Variants in PRKCB observed in about 807,000 individuals in gnomAD.
The protein encoded by PRKCB is protein kinase C beta type.
PRKCB carries 13 observed loss-of-function variants against 81.5 expected under a neutral mutation model. The ratio of observed to expected loss-of-function variants is 0.16; its 90% CI spans 0.10 to 0.25. The LOEUF (loss-of-function observed/expected upper bound fraction) is 0.25, where lower values mean the gene tolerates loss of function less well. Ranked by LOEUF, PRKCB falls within the 10% of genes least tolerant of loss-of-function variation. The probability of loss-of-function intolerance (pLI) is 1.00; values close to 1 mark genes in which losing one functional copy is unlikely to be tolerated. For missense variants in PRKCB, 509 were observed against 875.7 expected (o/e 0.58, Z 5.29); for synonymous variants, 335 against 321.4 (o/e 1.04, Z -0.45).
chr16:23,974,973 G>C (rs1443741232), intron 2 of PRKCB, among the ~76,000 whole-genome samples: 1 of 152,190 alleles, frequency 6.6e-6, no homozygotes, highest in South Asian at 2.1e-4. Flanking sequence ...TCATGTGCAA[G>C]GGGAAAGCCG....
intron 3 of PRKCB, among the ~76,000 whole-genome samples, chr16:23,992,754 T>C (rs925868714): frequency 3.3e-5 from 5 of 152,134 alleles, no homozygotes; most frequent in East Asian, 1.9e-4. Context: ...ACAATGCAAA[T>C]TGGACTCCCC....
At chr16:23,999,534 G>A (rs748638703) in intron 3 of PRKCB, among the ~76,000 whole-genome samples, 29 of 152,166 alleles carry the variant, frequency 1.9e-4, no homozygotes, top group Non-Finnish European at 2.1e-4. Context: ...CTCGCCATTG[G>A]AGGGCCACAA....
chr16:24,011,392 T>G (rs1303169988), intron 3 of PRKCB, among the ~76,000 whole-genome samples: 1 of 152,230 alleles, frequency 6.6e-6, no homozygotes, highest in African/African-American at 2.4e-5. Flanking sequence ...GTGAAATGCA[T>G]AGGCTCAGGT....
intron 2 of PRKCB, among the ~76,000 whole-genome samples, chr16:23,932,016 A>G (rs1005342717): frequency 3.3e-5 from 5 of 152,266 alleles, no homozygotes; most frequent in African/African-American, 7.2e-5. Flanking sequence ...GAAGTGGCCA[A>G]TGCTATCTAT....
rs1229677581 is a variant in PRKCB at position 24,218,171 on chromosome 16, TA to T, written c.*3357del. The T allele has an allele frequency of 1.0e-6, 1 of 985,010 alleles. No homozygotes were observed. Among genetic ancestry groups the T allele is most frequent in the Non-Finnish European group, 1.2e-6 (1 of 829,864 alleles). The allele number at this position is 985,010 out of a possible 1,614,324, so 61.0% of individuals were successfully genotyped here. A position where few individuals can be genotyped will look rare whatever the true frequency, so the allele number is the denominator to read the frequency against. On this transcript the variant is annotated 3_prime_UTR_variant, in exon 17 of 17. Transcript: ENST00000643927. Reference sequence around the variant, plus strand: ...AAGAATATTGTTTCTTGGAGAGAAATAATAAATAAACAAGACAATTTCTGAA... The same window carrying T: ...AAGAATATTGTTTCTTGGAGAGAAATATAAATAAACAAGACAATTTCTGAA...
At chr16:23,938,699 G>A (rs1426366387) in intron 2 of PRKCB, among the ~76,000 whole-genome samples, 6 of 152,172 alleles carry the variant, frequency 3.9e-5, no homozygotes, top group Non-Finnish European at 8.8e-5. Context: ...CATTGTGGAA[G>A]ACAGTCAGAA....
chr16:24,195,103 T>C (rs953605389), intron 16 of PRKCB, among the ~76,000 whole-genome samples: 6 of 151,570 alleles, frequency 4.0e-5, no homozygotes, highest in Admixed American at 1.3e-4. Flanking sequence ...CTCAGGAGGC[T>C]GAGGTGGGAG....
intron 16 of PRKCB, among the ~76,000 whole-genome samples, chr16:24,212,770 A>G (rs1968164312): frequency 6.6e-6 from 1 of 151,526 alleles, no homozygotes; most frequent in Non-Finnish European, 1.5e-5. Flanking sequence ...CCTGGCCCAG[A>G]ACCTGTGCTT....
chr16:24,096,807 A>G lies in PRKCB; in HGVS notation c.821+2510A>G, dbSNP rs1966451456. 1.3e-5 allele frequency among the ~76,000 whole-genome samples: 2 copies of G among 150,758 alleles called. 1 individual carries two copies. Among genetic ancestry groups the G allele is most frequent in the South Asian group, 4.2e-4 (2 of 4,774 alleles). ...AGAAGAAATAGCTTAACCTGGCACT[A>G]TAACTTTGGGAGAAGTGGCAATTGG... On this transcript the variant is annotated intron_variant, in intron 7 of 16. Coordinates refer to ENST00000643927, the MANE Select transcript of PRKCB (RefSeq NM_002738.7).
intron 2 of PRKCB, among the ~76,000 whole-genome samples, chr16:23,956,011 T>C (rs1010694477): frequency 7.9e-5 from 12 of 152,350 alleles, no homozygotes; most frequent in African/African-American, 2.9e-4. Context: ...TTTGAAAATC[T>C]TCACCTTATA....
At chr16:23,855,204 C>G (rs2141085648) in intron 2 of PRKCB, among the ~76,000 whole-genome samples, 1 of 152,120 alleles carries the variant, frequency 6.6e-6, no homozygotes, top group Non-Finnish European at 1.5e-5. Context: ...TGAGTTCTTG[C>G]AACACAGTGT....
chr16:23,981,320 C>T (rs768494456), intron 2 of PRKCB, among the ~76,000 whole-genome samples: 25 of 152,098 alleles, frequency 1.6e-4, no homozygotes, highest in South Asian at 2.1e-4. Flanking sequence ...CCTCTGACTC[C>T]GAGTCTCTTC....
intron 2 of PRKCB, among the ~76,000 whole-genome samples, chr16:23,888,833 C>T (rs1400199090): frequency 6.6e-6 from 1 of 152,148 alleles, no homozygotes; most frequent in African/African-American, 2.4e-5. Context: ...CACTAGCAAG[C>T]ACACATTATG....
At chr16:23,848,448 A>G (rs1211380413) in intron 2 of PRKCB, among the ~76,000 whole-genome samples, 1 of 152,138 alleles carries the variant, frequency 6.6e-6, no homozygotes, top group Non-Finnish European at 1.5e-5. Flanking sequence ...GACATTTGGA[A>G]TTTCATGTCA....
rs528078292 is a variant in PRKCB, at chr16:23,966,795, G to A, written c.206-21713G>A. ...CATATACACTGGTGTGCCAAGCCCTGTTCTGCATCTGGGGACACAGCAGAG... is the reference window on the plus strand; with the variant it reads ...CATATACACTGGTGTGCCAAGCCCTATTCTGCATCTGGGGACACAGCAGAG... On this transcript the variant is annotated intron_variant, in intron 2 of 16. Coordinates refer to ENST00000643927, the MANE Select transcript of PRKCB (RefSeq NM_002738.7). Among the ~76,000 whole-genome samples the A allele has an allele frequency of 3.3e-5, 5 of 152,276 alleles. No individual in the cohort carries two copies. The East Asian group carries it at 9.6e-4, about 29-fold the overall frequency.
chr16:24,009,967 C>T (rs1266600328), intron 3 of PRKCB, among the ~76,000 whole-genome samples: 2 of 152,144 alleles, frequency 1.3e-5, no homozygotes, highest in African/African-American at 4.8e-5. Context: ...CATGCTACTG[C>T]ACTCCAGCCT....
At chr16:23,912,321 C>T (rs1251407763) in intron 2 of PRKCB, among the ~76,000 whole-genome samples, 2 of 151,458 alleles carry the variant, frequency 1.3e-5, no homozygotes, top group Non-Finnish European at 2.9e-5. Flanking sequence ...GTCCATTGTT[C>T]CTCTCATAGT....
At position 23,976,928 on chromosome 16, in the gene PRKCB, G is replaced by C. The variant is rs994598290; in HGVS notation, c.206-11580G>C. ...GTGGATTTATTTACTTCTCAGGCCT[G>C]TTCTTTTCCTCATGTTGGCTCAACT... On this transcript the variant is annotated intron_variant, in intron 2 of 16. Transcript: ENST00000643927. Among the ~76,000 whole-genome samples, 7 of 152,170 alleles carry C rather than the reference G, an allele frequency of 4.6e-5. No homozygotes were observed. In the South Asian group the frequency reaches 1.5e-3, roughly 32 times the overall value.
At chr16:24,045,486 G>T (rs189571682) in intron 5 of PRKCB, among the ~76,000 whole-genome samples, 1 of 152,184 alleles carries the variant, frequency 6.6e-6, no homozygotes, top group East Asian at 1.9e-4. Context: ...CGCCTGGCAG[G>T]TCTACGCTAA....
Sources: gnomAD v4.1 joint callset for allele counts (sites outside exome capture counted in the v4.1 genomes callset) on GRCh38, gnomAD v4.1.1 for gene constraint, MANE v1.5 for transcripts, NCBI Gene and HGNC (gene_info 2026-07-23, HGNC 2026-07-21) for gene names.